Variants in CNTN3 observed in about 807,000 individuals in gnomAD.
The protein encoded by CNTN3 is contactin 3, also known as contactin-3.
In CNTN3, 60 loss-of-function variants were observed where a neutral mutation model predicts 119.1. The ratio of observed to expected loss-of-function variants is 0.50; its 90% CI spans 0.41 to 0.62. CNTN3 has a LOEUF of 0.62. Ranked by LOEUF, CNTN3 falls within the 20% of genes least tolerant of loss-of-function variation. The pLI is 0.00. For missense variants in CNTN3, 1,101 were observed against 1,242.4 expected, an observed-to-expected ratio of 0.89 and a Z score of 1.71; for synonymous variants, 450 against 438.7, an observed-to-expected ratio of 1.03 and a Z score of -0.32.
chr3:74,411,283 T>C (rs180743994), intron 5 of CNTN3, among the ~76,000 whole-genome samples: 1 of 152,232 alleles, frequency 6.6e-6, no homozygotes, highest in African/African-American at 2.4e-5. Context: ...AGCTGCCCCC[T>C]TGAGTATTTT....
At chr3:74,307,878 T>A (rs1007904302) in intron 13 of CNTN3, among the ~76,000 whole-genome samples, 1 of 152,220 alleles carries the variant, frequency 6.6e-6, no homozygotes, top group South Asian at 2.1e-4. Flanking sequence ...AGAAAAAAAA[T>A]TACATTTTGA....
intron 13 of CNTN3, among the ~76,000 whole-genome samples, chr3:74,307,445 G>T (rs1375062478): frequency 6.6e-6 from 1 of 152,090 alleles, no homozygotes; most frequent in African/African-American, 2.4e-5. Context: ...AACAGTAAAT[G>T]GATTTGTAAG....
At chr3:74,526,130 C>T (rs547903300) in intron 1 of CNTN3, among the ~76,000 whole-genome samples, 2 of 151,806 alleles carry the variant, frequency 1.3e-5, no homozygotes. Flanking sequence ...ATACACCACC[C>T]TCTCTTGCAT....
chr3:74,516,266 G>T (rs1703448810), intron 2 of CNTN3, among the ~76,000 whole-genome samples: 2 of 150,860 alleles, frequency 1.3e-5, no homozygotes, highest in African/African-American at 4.9e-5. Flanking sequence ...ACACAGCTTT[G>T]AATTGCACAA....
At chr3:74,284,719 A>G (rs1702075407) in intron 20 of CNTN3, among the ~76,000 whole-genome samples, 1 of 152,226 alleles carries the variant, frequency 6.6e-6, no homozygotes, top group Non-Finnish European at 1.5e-5. Context: ...AGACTAATAT[A>G]ATTGTAACTC....
chr3:74,460,608 C>T (rs971981526), intron 4 of CNTN3, among the ~76,000 whole-genome samples: 5 of 151,276 alleles, frequency 3.3e-5, no homozygotes, highest in African/African-American at 1.2e-4. Context: ...TATTAAAATA[C>T]CACTGGTTTT....
chr3:74,285,774 G>A, intron 19 of CNTN3, among the ~76,000 whole-genome samples: 1 of 130,902 alleles, frequency 7.6e-6, no homozygotes, highest in Non-Finnish European at 1.6e-5. Context: ...GATTATAAGT[G>A]GGAGAATGAA....
intron 1 of CNTN3, among the ~76,000 whole-genome samples, chr3:74,593,526 G>T (rs13314386): frequency 0.23 from 35,469 of 151,878 alleles, 6,767 homozygotes; most frequent in African/African-American, 0.52. Flanking sequence ...GAAATGATTT[G>T]CATTAATGTG....
chr3:74,549,941 C>G (rs771885360), intron 1 of CNTN3, among the ~76,000 whole-genome samples: 2 of 152,204 alleles, frequency 1.3e-5, no homozygotes, highest in Admixed American at 6.5e-5. Context: ...ATTTGAAAAA[C>G]AGCTCCTAGA....
chr3:74,401,901 T>C (rs1021848186), intron 5 of CNTN3, among the ~76,000 whole-genome samples: 1 of 152,200 alleles, frequency 6.6e-6, no homozygotes. Context: ...AATCACTTTA[T>C]AGTTAAAGCA....
intron 2 of CNTN3, among the ~76,000 whole-genome samples, chr3:74,511,875 G>A (rs998607425): frequency 5.9e-5 from 9 of 152,008 alleles, no homozygotes; most frequent in South Asian, 2.1e-4. Flanking sequence ...ACTATCTAGC[G>A]CATGTTATGA....
intron 5 of CNTN3, among the ~76,000 whole-genome samples, chr3:74,420,243 A>AT (rs964811149): frequency 2.0e-5 from 3 of 152,164 alleles, no homozygotes; most frequent in African/African-American, 4.8e-5. Flanking sequence ...CCATAAAACA[A>AT]TTTTTTATTA....
At chr3:74,506,750 A>C (rs11705842) in intron 2 of CNTN3, among the ~76,000 whole-genome samples, 6 of 147,228 alleles carry the variant, frequency 4.1e-5, no homozygotes, top group Middle Eastern at 7.1e-3. Flanking sequence ...AAAAAAAAAA[A>C]AACAACACTT....
chr3:74,314,642 T>C (rs545990769), intron 13 of CNTN3, among the ~76,000 whole-genome samples: 76 of 152,184 alleles, frequency 5.0e-4, no homozygotes, highest in African/African-American at 1.6e-3. Flanking sequence ...AGCATCAAAA[T>C]ACATAAGGCA....
chr3:74,425,003 C>G (rs1701674028), intron 4 of CNTN3, 63 bp from the exon 5 acceptor site: 1 of 1,060,338 alleles, frequency 9.4e-7, no homozygotes, highest in Non-Finnish European at 1.4e-6. Flanking sequence ...AATTTTACAC[C>G]AAGACCTTCC....
chr3:74,390,864 T>C (rs1704879403), intron 5 of CNTN3, among the ~76,000 whole-genome samples: 1 of 152,172 alleles, frequency 6.6e-6, no homozygotes, highest in East Asian at 1.9e-4. Context: ...CAGAGGTTAA[T>C]ACAGGCAAAA....
At chr3:74,265,199 G>T (rs1237622128) in intron 22 of CNTN3, among the ~76,000 whole-genome samples, 1 of 151,984 alleles carries the variant, frequency 6.6e-6, no homozygotes, top group South Asian at 2.1e-4. Context: ...TAAAAGCTTC[G>T]TTTTCATAGA....
intron 11 of CNTN3, among the ~76,000 whole-genome samples, chr3:74,347,147 T>C (rs1703710701): frequency 6.6e-6 from 1 of 152,070 alleles, no homozygotes; most frequent in East Asian, 1.9e-4. Flanking sequence ...ACAACAAACA[T>C]AAAATGTGAT....
intron 1 of CNTN3, among the ~76,000 whole-genome samples, chr3:74,602,687 G>C (rs1299518500): frequency 6.6e-6 from 1 of 152,060 alleles, no homozygotes; most frequent in Non-Finnish European, 1.5e-5. Context: ...TATTTTGTGT[G>C]TATGAGATCA....
Sources: gnomAD v4.1 joint callset for allele counts (sites outside exome capture counted in the v4.1 genomes callset) on GRCh38, gnomAD v4.1.1 for gene constraint, MANE v1.5 for transcripts, NCBI Gene and HGNC (gene_info 2026-07-23, HGNC 2026-07-21) for gene names.